The following ADARB1 variants were observed in gnomAD, a reference collection of about 807,000 sequenced individuals.
ADARB1 encodes adenosine deaminase RNA specific B1, also known as double-stranded RNA-specific editase 1.
A neutral mutation model predicts 52.4 loss-of-function variants in ADARB1; 10 were observed. That is an observed-to-expected ratio of 0.19 (90% CI 0.12 to 0.32). The LOEUF (loss-of-function observed/expected upper bound fraction) is 0.32, where lower values mean the gene tolerates loss of function less well. ADARB1 is among the 10% of genes least tolerant of loss of function. ADARB1 has a pLI of 1.00. For missense variants in ADARB1, 643 were observed against 922.3 expected (o/e 0.70, Z 3.92); for synonymous variants, 349 against 371.1 (o/e 0.94, Z 0.68).
Position 45,222,612 on chromosome 21 carries a change from T to C in ADARB1, c.*415T>C. 4 of 1,000,210 alleles carry C rather than the reference T, an allele frequency of 4.0e-6. No homozygotes were observed. The highest frequency in any genetic ancestry group is 4.8e-6 in the Non-Finnish European group (4 of 840,098). 62.0% of individuals were successfully genotyped at this position (1,000,210 alleles called of 1,614,324 possible). On this transcript the variant is annotated 3_prime_UTR_variant, in exon 11 of 11. Transcript: ENST00000348831. ...GGAATGTGGTTTATAAAATAGGAAG[T>C]AATTGTGTCAGGTCACTTTTATGCC...
Position 45,223,799 on chromosome 21 carries a change from G to A in ADARB1, c.*1602G>A. On this transcript the variant is annotated 3_prime_UTR_variant, in exon 11 of 11. Transcript: ENST00000348831. ...CGGGGGGTGTGCCTCCTGATGTCAGGAGCCCCATCCACGTGTGTCCACACA... is the reference window on the plus strand; with the variant it reads ...CGGGGGGTGTGCCTCCTGATGTCAGAAGCCCCATCCACGTGTGTCCACACA... 2.0e-6 allele frequency: 2 copies of A among 985,378 alleles called. No individual in the cohort carries two copies. The highest frequency in any genetic ancestry group is 2.4e-6 in the Non-Finnish European group (2 of 829,932). 61.0% of individuals were successfully genotyped at this position (985,378 alleles called of 1,614,324 possible). A position where few individuals can be genotyped will look rare whatever the true frequency, so the allele number is the denominator to read the frequency against.
rs1041412673 is a variant in ADARB1, at chr21:45,157,485, C to T, written c.-47-14125C>T. 2.6e-5 allele frequency among the ~76,000 whole-genome samples: 4 copies of T among 151,732 alleles called. No individual in the cohort carries two copies. Among genetic ancestry groups the T allele is most frequent in the African/African-American group, 4.8e-5 (2 of 41,408 alleles). ...GCTGCTGCGTTTGCACTGTGAAGGA[C>T]GGAGCAACTTCACGAAGGCAGGGCC... On this transcript the variant is annotated intron_variant, in intron 2 of 10. Transcript: ENST00000348831. The surrounding 1 kb of genome is among the most constrained non-coding windows in gnomAD (Gnocchi z 4.1).
intron 5 of ADARB1, among the ~76,000 whole-genome samples, chr21:45,181,954 G>A (rs1481326778): frequency 6.6e-6 from 1 of 152,260 alleles, no homozygotes; most frequent in Non-Finnish European, 1.5e-5. Flanking sequence ...AGCTGCAGTG[G>A]ATGCGAGTTT....
intron 2 of ADARB1, among the ~76,000 whole-genome samples, chr21:45,169,599 T>TG (rs2091400438): frequency 6.6e-6 from 1 of 152,216 alleles, no homozygotes; most frequent in African/African-American, 2.4e-5. Flanking sequence ...GTTTTATGTA[T>TG]AATATCCAGG....
intron 1 of ADARB1, among the ~76,000 whole-genome samples, chr21:45,077,315 A>G (rs1292552562): frequency 1.3e-5 from 2 of 152,352 alleles, no homozygotes; most frequent in East Asian, 3.9e-4. Flanking sequence ...AAAGTTTAGC[A>G]AAGTTATCAA....
chr21:45,182,459 A>G, intron 5 of ADARB1, 126 bp from the exon 6 acceptor site: 2 of 1,002,752 alleles, frequency 2.0e-6, no homozygotes, highest in South Asian at 3.5e-5. Flanking sequence ...CATGAAGATG[A>G]GCTTGAAAAG....
intron 2 of ADARB1, among the ~76,000 whole-genome samples, chr21:45,165,492 C>T (rs984820254): frequency 1.3e-5 from 2 of 152,164 alleles, no homozygotes; most frequent in African/African-American, 4.8e-5. Flanking sequence ...CACTTAGCAG[C>T]TTGCAGGGAC....
At chr21:45,141,032 A>G (rs1251127612) in intron 2 of ADARB1, among the ~76,000 whole-genome samples, 2 of 152,132 alleles carry the variant, frequency 1.3e-5, no homozygotes, top group Non-Finnish European at 2.9e-5. Context: ...TGTACAAAAA[A>G]TAAAAGTAAA....
At chr21:45,137,213 G>C (rs2089439035) in intron 2 of ADARB1, 1 of 152,084 alleles carries the variant, frequency 6.6e-6, no homozygotes, top group Non-Finnish European at 1.5e-5. Context: ...CTTCTGTTCA[G>C]TAGTTCCCAA....
At chr21:45,127,430 G>A (rs1242357647) in intron 1 of ADARB1, among the ~76,000 whole-genome samples, 3 of 152,194 alleles carry the variant, frequency 2.0e-5, no homozygotes, top group African/African-American at 7.2e-5. Flanking sequence ...TTGACTTGAT[G>A]GTGCTAGTGC....
rs115598697 is a variant in ADARB1, at chr21:45,122,383, C to T, written c.-219-6019C>T. On this transcript the variant is annotated intron_variant, in intron 1 of 10. Coordinates refer to ENST00000348831, the MANE Select transcript of ADARB1 (RefSeq NM_001112.4). ...ACTTGCAGTGTACTTGCTGTTGGTA[C>T]AAGGCATGTTAAATCCTCAGTGGTC... 1.8e-3 allele frequency among the ~76,000 whole-genome samples: 281 copies of T among 152,324 alleles called. 1 individual carries two copies. The highest frequency in any genetic ancestry group is 6.3e-3 in the African/African-American group (260 of 41,570).
chr21:45,140,287 G>A (rs141159001), intron 2 of ADARB1, among the ~76,000 whole-genome samples: 23 of 152,248 alleles, frequency 1.5e-4, no homozygotes, highest in African/African-American at 5.5e-4. Flanking sequence ...CTGAGGTAGA[G>A]AATATTCTTA....
At chr21:45,127,961 C>G (rs1050021099) in intron 1 of ADARB1, among the ~76,000 whole-genome samples, 3 of 152,312 alleles carry the variant, frequency 2.0e-5, no homozygotes, top group Non-Finnish European at 4.4e-5. Context: ...GCAGAGGTGG[C>G]CTGTAGCTTC....
chr21:45,140,089 G>A (rs1347849369), intron 2 of ADARB1, among the ~76,000 whole-genome samples: 4 of 151,686 alleles, frequency 2.6e-5, no homozygotes, highest in African/African-American at 4.8e-5. Flanking sequence ...GATTACAGGC[G>A]CCCGCCACCA....
At chr21:45,115,079 T>C (rs1297131690) in intron 1 of ADARB1, among the ~76,000 whole-genome samples, 1 of 114,204 alleles carries the variant, frequency 8.8e-6, no homozygotes, top group Non-Finnish European at 1.8e-5. Flanking sequence ...GTGAGCCTCT[T>C]GCTTTGTTAA....
chr21:45,190,734 C>G (rs1328615656), intron 8 of ADARB1, among the ~76,000 whole-genome samples: 2 of 152,188 alleles, frequency 1.3e-5, no homozygotes, highest in Non-Finnish European at 2.9e-5. Context: ...TTAGTGGCTC[C>G]CAAACTCTGG....
chr21:45,170,789 A>G (rs917122005), intron 2 of ADARB1, among the ~76,000 whole-genome samples: 2 of 152,176 alleles, frequency 1.3e-5, no homozygotes, highest in Admixed American at 6.5e-5. Flanking sequence ...TTATTATAGA[A>G]CATGTATTAA....
chr21:45,180,301 C>T, intron 4 of ADARB1, 29 bp from the exon 5 acceptor site: 2 of 1,548,866 alleles, frequency 1.3e-6, no homozygotes, highest in Non-Finnish European at 1.8e-6. Flanking sequence ...GCATCTGGCC[C>T]CTAACCTGCA....
chr21:45,187,835 C>A (rs552160690), intron 8 of ADARB1, among the ~76,000 whole-genome samples: 3 of 152,246 alleles, frequency 2.0e-5, no homozygotes, highest in African/African-American at 4.8e-5. Context: ...ATATGTTGAA[C>A]CATCCTTGCA....
Sources: allele counts gnomAD v4.1 joint callset (sites outside exome capture counted in the v4.1 genomes callset), GRCh38; gene constraint gnomAD v4.1.1; non-coding constraint Gnocchi (gnomAD v3.1); transcripts MANE v1.5; gene names NCBI Gene and HGNC (gene_info 2026-07-23, HGNC 2026-07-21).